The following SLC30A10 variants were observed in gnomAD, a reference collection of about 807,000 sequenced individuals.
SLC30A10 encodes the protein solute carrier family 30 member 10, also known as calcium/manganese antiporter SLC30A10.
Under a neutral mutation model 21.7 loss-of-function variants are expected in SLC30A10, and 8 were observed. The observed-to-expected ratio is 0.37, with a 90% CI of 0.22 to 0.67. The LOEUF is 0.67. Among genes scored for constraint, SLC30A10 ranks in the 30% least tolerant of loss-of-function variants. The pLI, the probability that SLC30A10 is intolerant of heterozygous loss-of-function variation, is 0.58. For missense variants in SLC30A10, 521 were observed against 642.5 expected (o/e 0.81, Z 2.04); for synonymous variants, 272 against 279.4 (o/e 0.97, Z 0.26).
chr1:219,927,659 AAAAAAAAAACAAC>A, intron 1 of SLC30A10, 129 bp downstream of exon 1: 3 of 586,774 alleles, frequency 5.1e-6, no homozygotes, highest in Non-Finnish European at 6.8e-6. Context: ...AAAAAAAAAA[AAAAAAAAAACAAC>A]AACAACAAAA....
chr1:219,948,924 C>A (rs1660229443), intron 1 of SLC30A10, among the ~76,000 whole-genome samples: 1 of 152,048 alleles, frequency 6.6e-6, no homozygotes, highest in Non-Finnish European at 1.5e-5. Context: ...AAGAAAAAAA[C>A]AACCCCATCA....
chr1:219,944,218 C>T (rs531884367), intron 1 of SLC30A10, among the ~76,000 whole-genome samples: 4 of 150,280 alleles, frequency 2.7e-5, no homozygotes, highest in South Asian at 2.1e-4. Context: ...GAGGCCAAGG[C>T]GGGCAGATCA....
At chr1:219,940,255 C>T (rs916915011) in intron 1 of SLC30A10, among the ~76,000 whole-genome samples, 1 of 152,220 alleles carries the variant, frequency 6.6e-6, no homozygotes, top group African/African-American at 2.4e-5. Flanking sequence ...GGAGCAGTCA[C>T]GTGTAGGTGG....
At chr1:219,924,180 C>T (rs1427848425) in intron 2 of SLC30A10, among the ~76,000 whole-genome samples, 1 of 152,212 alleles carries the variant, frequency 6.6e-6, no homozygotes, top group Non-Finnish European at 1.5e-5. Flanking sequence ...AAGCTGTTAC[C>T]TCTGCAGATC....
At chr1:219,948,824 C>T (rs991472623) in intron 1 of SLC30A10, among the ~76,000 whole-genome samples, 17 of 152,076 alleles carry the variant, frequency 1.1e-4, no homozygotes, top group Admixed American at 8.5e-4. Flanking sequence ...AGTGAACAGG[C>T]AACCTACAAA....
Position 219,928,379 on chromosome 1 carries a change from A to G in SLC30A10, c.62T>C (p.Phe21Ser). The G allele has an allele frequency of 6.2e-7, 1 of 1,613,528 alleles. No homozygotes were observed. ...LLFMLVLTVA[F>S]FVAELVSGYL... ...GCCGGAGACCAGCTCCGCCACGAAG[A>G]AGGCGACGGTGAGCACCAGCATGAA... Residue 21 changes from phenylalanine to serine, a missense_variant, in exon 1 of 4, where the codon TTC becomes TCC. By Grantham distance (155) the Phe-to-Ser change is radical. Coordinates refer to ENST00000366926, the MANE Select transcript of SLC30A10 (RefSeq NM_018713.3). The surrounding 1 kb of genome is among the most constrained non-coding windows in gnomAD (Gnocchi z 6.3).
intron 1 of SLC30A10, among the ~76,000 whole-genome samples, chr1:219,942,650 T>C (rs899013843): frequency 6.6e-5 from 10 of 152,242 alleles, no homozygotes; most frequent in African/African-American, 2.4e-4. Flanking sequence ...CTCAGGCACC[T>C]GACAGAAGCA....
At chr1:219,923,798 G>A (rs578031633) in intron 2 of SLC30A10, among the ~76,000 whole-genome samples, 16 of 152,298 alleles carry the variant, frequency 1.1e-4, no homozygotes, top group African/African-American at 3.8e-4. Context: ...GGTGGCTCAC[G>A]CCTATAATCC....
chr1:219,918,303 C>A lies in SLC30A10; in HGVS notation c.910G>T (p.Ala304Ser). Residue 304 changes from alanine to serine, a missense_variant, in exon 3 of 4, where the codon GCC (alanine) becomes TCC (serine). Coordinates refer to ENST00000366926, the MANE Select transcript of SLC30A10 (RefSeq NM_018713.3). The surrounding 1 kb of genome is among the most constrained non-coding windows in gnomAD (Gnocchi z 4.4). ...TTTGGGACCATCTGTAGCAGAATGG[C>A]AGCGGTCTCCTTGATAAGCGGGAAG... is the stretch of plus-strand genomic sequence containing the variant. ...SAFPLIKETA[A>S]ILLQMVPKGV... is the part of the protein sequence containing the mutation. 1.2e-6 allele frequency: 2 copies of A among 1,614,102 alleles called. No homozygotes were observed. The highest frequency in any genetic ancestry group is 1.7e-6 in the Non-Finnish European group (2 of 1,180,022).
chr1:219,955,289 T>C (rs1161746196), intron 1 of SLC30A10, among the ~76,000 whole-genome samples: 1 of 152,192 alleles, frequency 6.6e-6, no homozygotes, highest in African/African-American at 2.4e-5. Flanking sequence ...ATGCTCGTAT[T>C]TTTTACTTTT....
At chr1:219,927,638 T>TAAAAAAA (rs77015523) in intron 1 of SLC30A10, among the ~76,000 whole-genome samples, 163 bp downstream of exon 1, 23 of 53,414 alleles carry the variant, frequency 4.3e-4, no homozygotes, top group East Asian at 7.1e-4. Context: ...ATGGATTTAT[T>TAAAAAAA]AAAAAAAAAA....
chr1:219,935,719 G>C (rs1312183211), intron 1 of SLC30A10, among the ~76,000 whole-genome samples: 1 of 152,148 alleles, frequency 6.6e-6, no homozygotes, highest in African/African-American at 2.4e-5. Context: ...TTGATTTCTG[G>C]CTGTTGTCAT....
At chr1:219,954,680 C>CAA (rs11325622) in intron 1 of SLC30A10, among the ~76,000 whole-genome samples, 106 of 89,120 alleles carry the variant, frequency 1.2e-3, no homozygotes, top group African/African-American at 1.9e-3. Flanking sequence ...GACTCCATCT[C>CAA]AAAAAAAAAA....
At chr1:219,930,179 A>C (rs189056144), upstream of SLC30A10, among the ~76,000 whole-genome samples, 60 of 151,986 alleles carry the variant, frequency 3.9e-4, no homozygotes, top group East Asian at 6.0e-3. Context: ...AACAAACAAA[A>C]AAAAAACACA....
intron 2 of SLC30A10, 55 bp downstream of exon 2, chr1:219,926,973 A>G: frequency 3.6e-6 from 5 of 1,379,224 alleles, no homozygotes; most frequent in Middle Eastern, 1.8e-4. Context: ...AATAAACAAC[A>G]CAGTCCATGT....
At position 219,915,950 on chromosome 1, in the gene SLC30A10, T is replaced by G. The variant is rs1344082425; in HGVS notation, c.959-2A>C. The G allele has an allele frequency of 1.2e-6, 2 of 1,608,404 alleles. No individual in the cohort carries two copies. Among genetic ancestry groups the G allele is most frequent in the Non-Finnish European group, 1.7e-6 (2 of 1,176,880 alleles). On this transcript the variant is annotated splice_acceptor_variant, in intron 3 of 3. Transcript: ENST00000366926. LOFTEE classifies it high-confidence loss of function. The stretch of plus-strand genomic sequence containing the variant: ...CAGGCACAGCAGAGAGTTTACTCAC[T>G]ATAACAGAGAAGAGCAAACAAAAGC...
chr1:219,943,351 T>TC (rs922728488), intron 1 of SLC30A10, among the ~76,000 whole-genome samples: 11 of 152,196 alleles, frequency 7.2e-5, no homozygotes, highest in Non-Finnish European at 1.3e-4. Flanking sequence ...GACCCTGATC[T>TC]CCCGCACCTG....
chr1:219,939,160 A>T, intron 1 of SLC30A10, among the ~76,000 whole-genome samples: 1 of 152,184 alleles, frequency 6.6e-6, no homozygotes, highest in East Asian at 1.9e-4. Flanking sequence ...AAATACTCTT[A>T]AAAGGGGGAT....
At chr1:219,923,388 AT>A (rs1386879488) in intron 2 of SLC30A10, among the ~76,000 whole-genome samples, 2 of 152,232 alleles carry the variant, frequency 1.3e-5, no homozygotes, top group African/African-American at 2.4e-5. Context: ...TAAATTGGCA[AT>A]TTGACACAAG....
Sources: gnomAD v4.1 joint callset for allele counts (sites outside exome capture counted in the v4.1 genomes callset) on GRCh38, gnomAD v4.1.1 for gene constraint, Gnocchi (gnomAD v3.1) non-coding constraint, MANE v1.5 for transcripts, NCBI Gene and HGNC (gene_info 2026-07-23, HGNC 2026-07-21) for gene names.